The following TG variants were observed in gnomAD, a reference collection of about 807,000 sequenced individuals.
The protein encoded by TG is thyroglobulin.
A neutral mutation model predicts 324.7 loss-of-function variants in TG; 270 were observed. The observed-to-expected ratio is 0.83, with a 90% CI of 0.75 to 0.92. TG has a LOEUF of 0.92. Ranked by LOEUF, TG falls within the 40% of genes least tolerant of loss-of-function variation. The pLI is 0.00. For synonymous variants in TG, 1,401 were observed against 1,327.0 expected (o/e 1.06, Z -1.21); for missense variants, 3,591 against 3,456.4 (o/e 1.04, Z -0.98).
In TG at chr8:133,089,355, A is replaced by G. The variant is rs142601990; in HGVS notation, c.7240-5689A>G. Among the ~76,000 whole-genome samples the G allele has an allele frequency of 3.2e-3, 481 of 152,324 alleles. 2 individuals are homozygous for G. Among genetic ancestry groups the G allele is most frequent in the African/African-American group, 0.011 (461 of 41,564 alleles). Reference sequence around the variant, plus strand: ...CACATTCAGGAGGTATTGATGCTCCATCCTTTACTGAGGGCCTGCTGAGCA... The same window carrying G: ...CACATTCAGGAGGTATTGATGCTCCGTCCTTTACTGAGGGCCTGCTGAGCA... On this transcript the variant is annotated intron_variant, in intron 41 of 47. Coordinates refer to ENST00000220616, the MANE Select transcript of TG (RefSeq NM_003235.5).
chr8:132,868,645 T>C (rs1486055584), intron 2 of TG, among the ~76,000 whole-genome samples: 1 of 152,176 alleles, frequency 6.6e-6, no homozygotes, highest in East Asian at 1.9e-4. Context: ...CTGCCTTGAC[T>C]TCCTAGTCCT....
chr8:133,034,954 T>C (rs1018947316), intron 41 of TG, among the ~76,000 whole-genome samples: 20 of 152,256 alleles, frequency 1.3e-4, no homozygotes, highest in South Asian at 2.1e-4. Context: ...TTCTTGATCA[T>C]GCTTGTTCAT....
At chr8:133,064,705 A>T (rs139609188) in intron 41 of TG, among the ~76,000 whole-genome samples, 7 of 152,262 alleles carry the variant, frequency 4.6e-5, no homozygotes, top group African/African-American at 1.7e-4. Context: ...CCCTCCTCTT[A>T]ATAGGTTTCT....
chr8:133,017,154 C>G (rs908602740), intron 37 of TG, among the ~76,000 whole-genome samples: 1 of 152,196 alleles, frequency 6.6e-6, no homozygotes. Flanking sequence ...GTGATCCTAG[C>G]AGGCCCTAGG....
In TG at chr8:132,897,642, A is replaced by T. The variant is rs1817308372; in HGVS notation, c.3002-7A>T. 3 of 1,613,852 alleles carry T rather than the reference A, an allele frequency of 1.9e-6. No individual in the cohort carries two copies. The highest frequency in any genetic ancestry group is 2.5e-6 in the Non-Finnish European group (3 of 1,179,952). On this transcript the variant is annotated splice_region_variant and splice_polypyrimidine_tract_variant and intron_variant, in intron 11 of 47. Transcript: ENST00000220616. ...CATATTCTGCTTTTCTCCTTCCCTG[A>T]CTCCAGCCTTAAGCTTCTATCAGAG...
chr8:133,038,006 G>C (rs1320655316), intron 41 of TG: 1 of 155,714 alleles, frequency 6.4e-6, no homozygotes, highest in African/African-American at 2.4e-5. Flanking sequence ...TTTAAAAAGA[G>C]AGGAAAGCAT....
intron 27 of TG, among the ~76,000 whole-genome samples, chr8:132,959,883 T>C (rs1016102188): frequency 6.6e-6 from 1 of 152,224 alleles, no homozygotes; most frequent in African/African-American, 2.4e-5. Context: ...TTTAGTATTC[T>C]GAAACCATGG....
chr8:133,048,324 G>T (rs1236002877), intron 41 of TG, among the ~76,000 whole-genome samples: 2 of 152,036 alleles, frequency 1.3e-5, no homozygotes, highest in Non-Finnish European at 2.9e-5. Context: ...AGGTTCAAGT[G>T]ATTCTCCTGC....
At chr8:132,876,672 A>G (rs1237402794) in intron 5 of TG, among the ~76,000 whole-genome samples, 2 of 152,164 alleles carry the variant, frequency 1.3e-5, no homozygotes, top group African/African-American at 4.8e-5. Context: ...TTAAAGAACC[A>G]TGTTGTAATG....
intron 41 of TG, among the ~76,000 whole-genome samples, chr8:133,056,357 C>T (rs1369590736): frequency 6.6e-6 from 1 of 152,188 alleles, no homozygotes; most frequent in Non-Finnish European, 1.5e-5. Flanking sequence ...GGATCTGGTC[C>T]AAGATTTGAC....
chr8:132,923,217 C>A, intron 21 of TG, 121 bp from the exon 22 acceptor site: 1 of 1,138,980 alleles, frequency 8.8e-7, no homozygotes, highest in Non-Finnish European at 1.3e-6. Flanking sequence ...GAGTTTTAAG[C>A]TGGAATGTCT....
chr8:132,939,877 A>G (rs2129872101), intron 25 of TG, among the ~76,000 whole-genome samples: 1 of 152,120 alleles, frequency 6.6e-6, no homozygotes, highest in Admixed American at 6.5e-5. Context: ...GGGTTTCACC[A>G]TTTGGCCCGG....
chr8:133,053,441 T>C (rs1411047524), intron 41 of TG, among the ~76,000 whole-genome samples: 1 of 152,136 alleles, frequency 6.6e-6, no homozygotes, highest in Non-Finnish European at 1.5e-5. Flanking sequence ...GCCCCTTAAA[T>C]ACAGCTGTCA....
chr8:133,057,787 A>C (rs937880308), intron 41 of TG, among the ~76,000 whole-genome samples: 21 of 149,202 alleles, frequency 1.4e-4, no homozygotes, highest in East Asian at 1.2e-3. Context: ...AAAAAAAAAA[A>C]CAAAAAAACA....
chr8:133,038,601 T>C (rs1373384237), intron 41 of TG: 1 of 1,614,154 alleles, frequency 6.2e-7, no homozygotes, highest in Non-Finnish European at 8.5e-7. Flanking sequence ...GAGATGCTTT[T>C]CTTCTTTCGA....
chr8:133,093,188 G>T (rs913790971), intron 41 of TG, among the ~76,000 whole-genome samples: 1 of 147,024 alleles, frequency 6.8e-6, no homozygotes, highest in Non-Finnish European at 1.5e-5. Flanking sequence ...AAAAAAAGCT[G>T]CCCTGCTCAT....
chr8:133,013,700 T>C lies in TG; in HGVS notation c.6498T>C (p.Ser2166=), dbSNP rs200367054. The C allele has an allele frequency of 8.7e-5, 141 of 1,614,102 alleles. No individual in the cohort carries two copies. Among genetic ancestry groups the C allele is most frequent in the Middle Eastern group, 6.6e-4 (4 of 6,060 alleles). Residue 2166 remains serine (S), a synonymous_variant, in exon 37 of 48, where the codon AGT becomes AGC. Transcript: ENST00000220616. ...FYADTQSCTH[S]LQGQNCRLLL... ...CTGATACTCAAAGCTGCACACATAG[T>C]CTGCAGGGTCAGAACTGCCGACTTC... is the stretch of plus-strand genomic sequence containing the variant.
chr8:132,900,321 T>C lies in TG; in HGVS notation c.3415T>C (p.Ser1139Pro). 1 of 1,613,154 alleles carries C rather than the reference T, an allele frequency of 6.2e-7. No homozygotes were observed. Among genetic ancestry groups the C allele is most frequent in the Non-Finnish European group, 8.5e-7 (1 of 1,179,754 alleles). ...ATCAGGAGAAGAGTTGCGGCCTGGC[T>C]CGAGCAGCAGTGCCCAGTGTGAGTA... ...PASGEELRPG[S>P]SSSAQCPSLC... The change falls in exon 15 of 48, where the codon TCG becomes CCG. Residue 1139 changes from serine (S) to proline (P), a missense_variant. Ser to Pro is a moderately conservative substitution (Grantham distance 74). Transcript: ENST00000220616.
At chr8:133,006,332 T>C (rs1834012379) in intron 35 of TG, among the ~76,000 whole-genome samples, 1 of 152,262 alleles carries the variant, frequency 6.6e-6, no homozygotes, top group South Asian at 2.1e-4. Context: ...TGTGTCGGAA[T>C]CACCAGGAAA....
Sources: allele counts gnomAD v4.1 joint callset (sites outside exome capture counted in the v4.1 genomes callset), GRCh38; gene constraint gnomAD v4.1.1; transcripts MANE v1.5; gene names NCBI Gene and HGNC (gene_info 2026-07-23, HGNC 2026-07-21).